Variants in PKD1L1 observed in about 807,000 individuals in gnomAD.
PKD1L1 encodes the protein polycystin-1-like protein 1.
PKD1L1 carries 236 observed loss-of-function variants against 323.4 expected under a neutral mutation model. That is an observed-to-expected ratio of 0.73 (90% CI 0.66 to 0.81). PKD1L1 has a LOEUF of 0.81. Ranked by LOEUF, PKD1L1 falls within the 40% of genes least tolerant of loss-of-function variation. The pLI, the probability that PKD1L1 is intolerant of heterozygous loss-of-function variation, is 0.00. For missense variants in PKD1L1, 3,320 were observed against 3,508.0 expected (o/e 0.95, Z 1.35); for synonymous variants, 1,344 against 1,335.0 (o/e 1.01, Z -0.15).
At chr7:47,836,802 G>T in intron 37 of PKD1L1, 119 bp downstream of exon 37, 2 of 1,257,408 alleles carry the variant, frequency 1.6e-6, no homozygotes, top group Non-Finnish European at 2.2e-6. Flanking sequence ...AGCCAGGCTT[G>T]CTTCCCCTGG....
intron 56 of PKD1L1, among the ~76,000 whole-genome samples, chr7:47,778,109 G>A (rs1007756262): frequency 1.3e-5 from 2 of 152,156 alleles, no homozygotes; most frequent in East Asian, 3.9e-4. Flanking sequence ...GGAGACACAA[G>A]AAGTACAAAC....
intron 24 of PKD1L1, among the ~76,000 whole-genome samples, chr7:47,872,917 C>T (rs1786313668): frequency 6.6e-6 from 1 of 152,044 alleles, no homozygotes; most frequent in South Asian, 2.1e-4. Context: ...ACCCACACAT[C>T]CATCAACTAA....
At chr7:47,882,683 G>A (rs1786589886) in intron 19 of PKD1L1, among the ~76,000 whole-genome samples, 1 of 151,376 alleles carries the variant, frequency 6.6e-6, no homozygotes, top group African/African-American at 2.4e-5. Context: ...TGGTTGGAGG[G>A]TGGGAGGGAG....
At chr7:47,797,803 T>A (rs1019057673) in intron 54 of PKD1L1, among the ~76,000 whole-genome samples, 1 of 152,186 alleles carries the variant, frequency 6.6e-6, no homozygotes, top group Non-Finnish European at 1.5e-5. Context: ...TTTCCTGGTC[T>A]CCCTAGGAAG....
chr7:47,955,094 T>C, the PKD1L1 span, among the ~76,000 whole-genome samples: 5 of 152,332 alleles, frequency 3.3e-5, no homozygotes, highest in South Asian at 1.0e-3. Flanking sequence ...CACTCTGCCC[T>C]CACTGCAAAG....
At chr7:47,959,650 T>TG in the PKD1L1 span, among the ~76,000 whole-genome samples, 1 of 110,162 alleles carries the variant, frequency 9.1e-6, no homozygotes. Flanking sequence ...GGGAGGGAGG[T>TG]GGGGGTCAGC....
intron 26 of PKD1L1, among the ~76,000 whole-genome samples, chr7:47,864,880 A>G (rs1402995968): frequency 6.6e-6 from 1 of 151,820 alleles, no homozygotes; most frequent in Non-Finnish European, 1.5e-5. Context: ...GGTGCGCGCC[A>G]CCATGCCCGG....
intron 56 of PKD1L1, among the ~76,000 whole-genome samples, chr7:47,779,720 G>C (rs1786647423): frequency 1.3e-5 from 2 of 152,126 alleles, no homozygotes; most frequent in African/African-American, 4.8e-5. Flanking sequence ...TATGGTGCGG[G>C]GCCCACAGAT....
the PKD1L1 span, among the ~76,000 whole-genome samples, chr7:47,957,665 T>C: frequency 6.6e-6 from 1 of 151,870 alleles, no homozygotes; most frequent in Non-Finnish European, 1.5e-5. Context: ...CTGGCTAACT[T>C]TTGTATTTTT....
At chr7:47,827,817 G>T (rs1482640280) in intron 44 of PKD1L1, among the ~76,000 whole-genome samples, 1 of 152,196 alleles carries the variant, frequency 6.6e-6, no homozygotes, top group Non-Finnish European at 1.5e-5. Flanking sequence ...TTCTCTTAGA[G>T]ACTTTCAAGG....
At chr7:47,913,620 C>T (rs574041487) in intron 8 of PKD1L1, among the ~76,000 whole-genome samples, 4 of 152,224 alleles carry the variant, frequency 2.6e-5, no homozygotes, top group South Asian at 2.1e-4. Context: ...GCTCCTACTC[C>T]GGCTATGTAA....
In PKD1L1 at chr7:47,888,134, A is replaced by G. The variant is rs2128748199; in HGVS notation, c.2692T>C (p.Trp898Arg). The change falls in exon 17 of 57, where the codon TGG (tryptophan) becomes CGG (arginine). Residue 898 changes from tryptophan (W) to arginine (R), a missense_variant. Physicochemically the swap from Trp to Arg is moderately radical, Grantham distance 101. Transcript: ENST00000289672. ...ACGAAGGTGTCTTTAAAGCTGACCC[A>G]GGAGATGTGGACGAATCTGAAATAT... is the stretch of plus-strand genomic sequence containing the variant. ...DSAFRFVHIS[W>R]VSFKDTFVNW... 2 of 1,613,356 alleles carry G rather than the reference A, an allele frequency of 1.2e-6. No homozygotes were observed. Among genetic ancestry groups the G allele is most frequent in the Non-Finnish European group, 1.7e-6 (2 of 1,179,650 alleles).
At chr7:47,820,940 G>C (rs187330370) in intron 46 of PKD1L1, 136 bp downstream of exon 46, 1 of 590,538 alleles carries the variant, frequency 1.7e-6, no homozygotes, top group Admixed American at 2.8e-5. Context: ...ATGGAAGGGG[G>C]TTTTATTACT....
chr7:47,898,676 C>A (rs1583658495), intron 13 of PKD1L1, among the ~76,000 whole-genome samples: 1 of 152,052 alleles, frequency 6.6e-6, no homozygotes, highest in East Asian at 1.9e-4. Flanking sequence ...ATTCTTAAGT[C>A]ATTCTCAGAA....
chr7:47,922,940 T>C (rs1404785631), intron 7 of PKD1L1, among the ~76,000 whole-genome samples: 2 of 152,352 alleles, frequency 1.3e-5, no homozygotes, highest in East Asian at 3.9e-4. Context: ...TTACTCTGTC[T>C]GTGTAGAAAG....
Position 47,827,476 on chromosome 7 carries a change from G to A in PKD1L1, c.6736-8C>T. On this transcript the variant is annotated splice_region_variant and splice_polypyrimidine_tract_variant and intron_variant, in intron 44 of 56. Transcript: ENST00000289672. Reference sequence around the variant, plus strand: ...TTGTCGGGCAGCCAAGACCTGTCAGGGACAAGAGTGCTGTGAGCTGCGGGC... The same window carrying A: ...TTGTCGGGCAGCCAAGACCTGTCAGAGACAAGAGTGCTGTGAGCTGCGGGC... 1 of 1,603,100 alleles carries A rather than the reference G, an allele frequency of 6.2e-7. No homozygotes were observed. Among genetic ancestry groups the A allele is most frequent in the Non-Finnish European group, 8.5e-7 (1 of 1,176,564 alleles).
In PKD1L1 at chr7:47,843,030, G is replaced by A; in HGVS notation, c.5377C>T (p.Pro1793Ser). The change falls in exon 34 of 57, where the codon CCG (proline) becomes TCG (serine). Residue 1793 changes from proline (P) to serine (S), a missense_variant. Physicochemically the swap from Pro to Ser is moderately conservative, Grantham distance 74. Coordinates refer to ENST00000289672, the MANE Select transcript of PKD1L1 (RefSeq NM_138295.5). The stretch of plus-strand genomic sequence containing the variant: ...ACGACCGCATATAGCTGATGGCCCG[G>A]CAGGGAAGCTTCTTGCAGAAAGATG... ...GYIFLQEASL[P>S]GHQLYAVVID... 1.9e-6 allele frequency: 3 copies of A among 1,613,980 alleles called. No individual in the cohort carries two copies. Among genetic ancestry groups the A allele is most frequent in the Non-Finnish European group, 2.5e-6 (3 of 1,179,910 alleles).
In PKD1L1 at chr7:47,830,081, G is replaced by T; in HGVS notation, c.6517C>A (p.Leu2173Ile). 1 of 1,614,184 alleles carries T rather than the reference G, an allele frequency of 6.2e-7. No homozygotes were observed. Among genetic ancestry groups the T allele is most frequent in the Non-Finnish European group, 8.5e-7 (1 of 1,180,046 alleles). The change falls in exon 43 of 57, where the codon CTC becomes ATC. Residue 2173 changes from leucine to isoleucine, a missense_variant. Transcript: ENST00000289672. ...ATGAAAATACAGCAGACCACGGAGA[G>T]GGACAGCAGGTGCAGCCACTGCACA... ...QCVQWLHLLSLSVVCCIFITQ... is the reference protein window; with the variant it reads ...QCVQWLHLLSISVVCCIFITQ...
intron 30 of PKD1L1, among the ~76,000 whole-genome samples, chr7:47,853,468 C>A (rs1184452674): frequency 1.3e-5 from 2 of 152,128 alleles, no homozygotes; most frequent in African/African-American, 4.8e-5. Flanking sequence ...TTTGGCCAGG[C>A]ACGGTGGCTC....
Sources: allele counts gnomAD v4.1 joint callset (sites outside exome capture counted in the v4.1 genomes callset), GRCh38; gene constraint gnomAD v4.1.1; transcripts MANE v1.5; gene names NCBI Gene and HGNC (gene_info 2026-07-23, HGNC 2026-07-21).